The following RIMS2 variants were observed in gnomAD, a reference collection of about 807,000 sequenced individuals.
RIMS2 encodes regulating synaptic membrane exocytosis protein 2.
A neutral mutation model predicts 174.4 loss-of-function variants in RIMS2; 59 were observed. The ratio of observed to expected loss-of-function variants is 0.34; its 90% CI spans 0.27 to 0.42. The LOEUF is 0.42. RIMS2 is among the 10% of genes least tolerant of loss of function. The pLI is 1.00. For synonymous variants in RIMS2, 606 were observed against 572.5 expected (o/e 1.06, Z -0.84); for missense variants, 1,620 against 1,666.3 (o/e 0.97, Z 0.48).
At chr8:103,575,859 G>A (rs568383589) in intron 1 of RIMS2, among the ~76,000 whole-genome samples, 2 of 151,968 alleles carry the variant, frequency 1.3e-5, no homozygotes, top group Non-Finnish European at 2.9e-5. Flanking sequence ...CACCAGATAT[G>A]CCTAAAGTTT....
At chr8:103,539,255 C>T (rs1587127556) in intron 1 of RIMS2, among the ~76,000 whole-genome samples, 1 of 152,114 alleles carries the variant, frequency 6.6e-6, no homozygotes, top group East Asian at 1.9e-4. Flanking sequence ...TCTTTGATGG[C>T]TTCTCATTCA....
At chr8:103,676,580 CTT>C (rs35474500) in intron 1 of RIMS2, among the ~76,000 whole-genome samples, 152 of 148,332 alleles carry the variant, frequency 1.0e-3, no homozygotes, top group African/African-American at 3.3e-3. Context: ...CTTTTAAAGT[CTT>C]TTTTTTTTTT....
rs1285727409 is a variant in RIMS2 at position 103,768,602 on chromosome 8, G to A, written c.698+2065G>A. 14 of 1,201,564 alleles carry A rather than the reference G, an allele frequency of 1.2e-5. No homozygotes were observed. In the East Asian group the frequency reaches 3.0e-4, roughly 26 times the overall value. 74.4% of individuals were successfully genotyped at this position (1,201,564 alleles called of 1,614,324 possible). On this transcript the variant is annotated intron_variant, in intron 3 of 23. Transcript: ENST00000504942. ...TTGCATTGTGGATGCCAATCGGAGT[G>A]CTCTAACTTGGTTATTGTAAAAAAA...
intron 19 of RIMS2, among the ~76,000 whole-genome samples, chr8:104,240,272 T>C (rs1171062760): frequency 6.6e-6 from 1 of 152,226 alleles, no homozygotes; most frequent in East Asian, 1.9e-4. Flanking sequence ...ATCATGGGTG[T>C]CATCTTAGAA....
At chr8:103,726,206 A>G (rs967139671) in intron 2 of RIMS2, among the ~76,000 whole-genome samples, 6 of 152,204 alleles carry the variant, frequency 3.9e-5, no homozygotes, top group African/African-American at 1.2e-4. Context: ...AGTTAAAGAC[A>G]TAGTAAGTTG....
chr8:103,521,970 G>T (rs2130493664), intron 1 of RIMS2, among the ~76,000 whole-genome samples: 1 of 151,514 alleles, frequency 6.6e-6, no homozygotes, highest in Non-Finnish European at 1.5e-5. Flanking sequence ...TATTAGTTTT[G>T]TAATATCAGG....
At chr8:103,529,877 C>T (rs1483867382) in intron 1 of RIMS2, among the ~76,000 whole-genome samples, 1 of 152,080 alleles carries the variant, frequency 6.6e-6, no homozygotes, top group Non-Finnish European at 1.5e-5. Context: ...TTTTTATCCC[C>T]AAAATATTTT....
intron 19 of RIMS2, among the ~76,000 whole-genome samples, chr8:104,119,114 G>A (rs1267663596): frequency 1.3e-5 from 2 of 151,688 alleles, no homozygotes; most frequent in East Asian, 1.9e-4. Context: ...TTGAGAGGCC[G>A]AGGCGGGCGG....
chr8:103,557,490 T>A (rs1031401061), intron 1 of RIMS2, among the ~76,000 whole-genome samples: 2 of 152,230 alleles, frequency 1.3e-5, no homozygotes, highest in Non-Finnish European at 2.9e-5. Flanking sequence ...TTTTAGACTT[T>A]GTGATATTTA....
chr8:103,919,306 G>T (rs1252214636), intron 9 of RIMS2, among the ~76,000 whole-genome samples: 1 of 152,156 alleles, frequency 6.6e-6, no homozygotes, highest in Non-Finnish European at 1.5e-5. Context: ...AAAGCCTAAG[G>T]TGCATTTAAG....
At chr8:103,807,890 T>C (rs2098660637) in intron 3 of RIMS2, among the ~76,000 whole-genome samples, 2 of 152,310 alleles carry the variant, frequency 1.3e-5, no homozygotes, top group South Asian at 2.1e-4. Flanking sequence ...AGACAAATTA[T>C]ATTTTTTAAG....
chr8:103,656,680 T>G (rs1267314959), intron 1 of RIMS2, among the ~76,000 whole-genome samples: 1 of 152,200 alleles, frequency 6.6e-6, no homozygotes, highest in Non-Finnish European at 1.5e-5. Flanking sequence ...CAACTTTTCT[T>G]AAATCCATCA....
intron 19 of RIMS2, among the ~76,000 whole-genome samples, chr8:104,091,681 G>A (rs917228391): frequency 1.3e-5 from 2 of 150,338 alleles, no homozygotes; most frequent in Admixed American, 1.3e-4. Flanking sequence ...GATATAACAT[G>A]GTTAATGTTG....
chr8:104,141,995 T>G (rs2133610705), intron 19 of RIMS2, among the ~76,000 whole-genome samples: 1 of 152,310 alleles, frequency 6.6e-6, no homozygotes, highest in Admixed American at 6.5e-5. Context: ...GAATGAAAGC[T>G]CCATGAAACA....
intron 19 of RIMS2, among the ~76,000 whole-genome samples, chr8:104,187,148 A>G (rs966213061): frequency 6.6e-6 from 1 of 151,780 alleles, no homozygotes; most frequent in East Asian, 1.9e-4. Context: ...GAGGTAATCT[A>G]TGCAAAAGTC....
At chr8:103,628,576 A>G (rs2095841220) in intron 1 of RIMS2, among the ~76,000 whole-genome samples, 1 of 151,682 alleles carries the variant, frequency 6.6e-6, no homozygotes, top group Admixed American at 6.6e-5. Flanking sequence ...CTGGTCTCGA[A>G]CTCCTGACCT....
At chr8:103,809,089 G>A (rs956084787) in intron 3 of RIMS2, among the ~76,000 whole-genome samples, 7 of 152,034 alleles carry the variant, frequency 4.6e-5, no homozygotes, top group Non-Finnish European at 8.8e-5. Context: ...TTCTTCTCCA[G>A]CTATTTGATT....
At chr8:104,217,268 T>C (rs981282460) in intron 19 of RIMS2, among the ~76,000 whole-genome samples, 2 of 89,610 alleles carry the variant, frequency 2.2e-5, no homozygotes, top group African/African-American at 1.3e-4. Context: ...TCTTGTTTTT[T>C]TGTTTTTTTG....
chr8:103,882,972 T>C (rs138623583), intron 3 of RIMS2, among the ~76,000 whole-genome samples: 37 of 151,778 alleles, frequency 2.4e-4, no homozygotes, highest in African/African-American at 7.9e-4. Context: ...ACATTAAATG[T>C]ATTATGGGAA....
Sources: allele counts gnomAD v4.1 joint callset (sites outside exome capture counted in the v4.1 genomes callset), GRCh38; gene constraint gnomAD v4.1.1; transcripts MANE v1.5; gene names NCBI Gene and HGNC (gene_info 2026-07-23, HGNC 2026-07-21).